Variants in DOCK4 observed in about 807,000 individuals in gnomAD.
The protein encoded by DOCK4 is dedicator of cytokinesis protein 4.
A neutral mutation model predicts 268.1 loss-of-function variants in DOCK4; 97 were observed. That is an observed-to-expected ratio of 0.36 (90% CI 0.31 to 0.43). The LOEUF (loss-of-function observed/expected upper bound fraction) is 0.43. Ranked by LOEUF, DOCK4 falls within the 20% of genes least tolerant of loss-of-function variation. The pLI, the probability that DOCK4 is intolerant of heterozygous loss-of-function variation, is 1.00. For synonymous variants in DOCK4, 954 were observed against 887.2 expected, an observed-to-expected ratio of 1.08 and a Z score of -1.34; for missense variants, 2,145 against 2,455.7, an observed-to-expected ratio of 0.87 and a Z score of 2.67.
chr7:112,166,936 G>A (rs1266731765), intron 1 of DOCK4, among the ~76,000 whole-genome samples: 1 of 152,026 alleles, frequency 6.6e-6, no homozygotes, highest in African/African-American at 2.4e-5. Flanking sequence ...GAGTAGCTGA[G>A]AATATGTGCC....
chr7:111,757,131 A>C (rs138932282), intron 41 of DOCK4, among the ~76,000 whole-genome samples: 1,692 of 151,784 alleles, frequency 0.011, 33 homozygotes, highest in African/African-American at 0.037. Context: ...GCTGAGAGGG[A>C]GGAGGGGTGA....
rs148174943 is a variant in DOCK4, at chr7:111,850,548, A to T, written c.2474-3422T>A. On this transcript the variant is annotated intron_variant, in intron 23 of 52. Coordinates refer to ENST00000428084, the MANE Select transcript of DOCK4 (RefSeq NM_001363540.2). ...ACCCCCTGTGACCTGCACATATATA[A>T]ACAGATGGCCTGAAGCAACTGAAGA... 9.7e-3 allele frequency among the ~76,000 whole-genome samples: 1,484 copies of T among 152,254 alleles called. 22 individuals are homozygous for T. Among genetic ancestry groups the T allele is most frequent in the African/African-American group, 0.031 (1,301 of 41,530 alleles).
At chr7:111,765,461 T>C (rs1055939846) in intron 38 of DOCK4, among the ~76,000 whole-genome samples, 3 of 152,222 alleles carry the variant, frequency 2.0e-5, no homozygotes, top group African/African-American at 7.2e-5. Flanking sequence ...TACTTAATTC[T>C]GCTAGGCCCA....
intron 12 of DOCK4, among the ~76,000 whole-genome samples, chr7:111,933,319 G>A (rs1794423386): frequency 1.7e-5 from 2 of 115,198 alleles, no homozygotes; most frequent in South Asian, 2.6e-4. Flanking sequence ...TTTTTGAGAT[G>A]GAGTCTCTCT....
chr7:111,798,098 C>T (rs1055728396), intron 30 of DOCK4, among the ~76,000 whole-genome samples: 1 of 152,178 alleles, frequency 6.6e-6, no homozygotes, highest in African/African-American at 2.4e-5. Context: ...GGTGCATCTG[C>T]TAGTTGCTAT....
intron 10 of DOCK4, among the ~76,000 whole-genome samples, chr7:111,942,395 C>T (rs938782945): frequency 6.6e-6 from 1 of 152,148 alleles, no homozygotes; most frequent in African/African-American, 2.4e-5. Flanking sequence ...GTATGTGTCC[C>T]TTGTTAAATA....
chr7:112,152,364 T>A (rs950745954), intron 1 of DOCK4, among the ~76,000 whole-genome samples: 3 of 152,156 alleles, frequency 2.0e-5, no homozygotes, highest in African/African-American at 7.2e-5. Flanking sequence ...TTCCATCAAA[T>A]GAAATAGTCA....
At chr7:111,952,267 A>C (rs2134888091) in intron 8 of DOCK4, among the ~76,000 whole-genome samples, 1 of 152,294 alleles carries the variant, frequency 6.6e-6, no homozygotes, top group East Asian at 1.9e-4. Context: ...TAATGATGAC[A>C]AGTGTGTTTC....
At chr7:111,983,835 T>TACACACACAC (rs1203628305) in intron 7 of DOCK4, among the ~76,000 whole-genome samples, 15 of 113,330 alleles carry the variant, frequency 1.3e-4, no homozygotes, top group African/African-American at 5.2e-4. Flanking sequence ...ATTATGTATG[T>TACACACACAC]ACACACACAC....
chr7:112,099,000 T>C (rs534146996), intron 1 of DOCK4, among the ~76,000 whole-genome samples: 5 of 152,106 alleles, frequency 3.3e-5, no homozygotes, highest in African/African-American at 7.2e-5. Flanking sequence ...TCAATAGTAG[T>C]TCAAGAAGGC....
chr7:111,904,524 G>T (rs577753113), intron 13 of DOCK4, among the ~76,000 whole-genome samples: 1 of 152,090 alleles, frequency 6.6e-6, no homozygotes, highest in Non-Finnish European at 1.5e-5. Context: ...TACAGTGTTC[G>T]ACAAAGGAGT....
At chr7:111,855,839 C>T (rs1028314178) in intron 23 of DOCK4, among the ~76,000 whole-genome samples, 2 of 152,272 alleles carry the variant, frequency 1.3e-5, no homozygotes, top group African/African-American at 4.8e-5. Context: ...GTATTTCCAT[C>T]CTAATATATT....
At chr7:111,734,627 G>A (rs1299606809) in intron 51 of DOCK4, among the ~76,000 whole-genome samples, 1 of 152,220 alleles carries the variant, frequency 6.6e-6, no homozygotes, top group African/African-American at 2.4e-5. Flanking sequence ...TAAGCTTATG[G>A]AGCGTAACTG....
chr7:111,846,320 C>T (rs1364256530), intron 24 of DOCK4, among the ~76,000 whole-genome samples: 4 of 152,220 alleles, frequency 2.6e-5, no homozygotes, highest in Admixed American at 2.0e-4. Context: ...AGAAGTGGAA[C>T]AGGATATTCT....
chr7:111,958,442 T>C (rs989233461), intron 8 of DOCK4, among the ~76,000 whole-genome samples: 1 of 152,124 alleles, frequency 6.6e-6, no homozygotes, highest in African/African-American at 2.4e-5. Context: ...GAATACCTTA[T>C]GGGTAGCAGA....
At position 111,737,005 on chromosome 7, in the gene DOCK4, G is replaced by T. The variant is rs1026006181; in HGVS notation, c.5233-16C>A. ...ACAGCATCCTCTGCAAAGTTACAAG[G>T]GTTGATTTTTATGATGTGATATACG... On this transcript the variant is annotated splice_polypyrimidine_tract_variant and intron_variant, in intron 49 of 52. Coordinates refer to ENST00000428084, the MANE Select transcript of DOCK4 (RefSeq NM_001363540.2). The T allele has an allele frequency of 1.9e-6, 3 of 1,596,482 alleles. No homozygotes were observed. In the African/African-American group the frequency reaches 4.0e-5, roughly 21 times the overall value.
chr7:111,786,413 T>G (rs2133782058), intron 32 of DOCK4, among the ~76,000 whole-genome samples: 1 of 152,328 alleles, frequency 6.6e-6, no homozygotes, highest in South Asian at 2.1e-4. Context: ...TACTCTATTC[T>G]GGATATTGCA....
chr7:112,194,129 C>A (rs1398380751), intron 1 of DOCK4, among the ~76,000 whole-genome samples: 1 of 152,030 alleles, frequency 6.6e-6, no homozygotes, highest in Non-Finnish European at 1.5e-5. Context: ...GTTTATAGCA[C>A]CCATAAATAA....
chr7:112,177,064 T>C (rs1298182546), intron 1 of DOCK4, among the ~76,000 whole-genome samples: 2 of 152,200 alleles, frequency 1.3e-5, no homozygotes, highest in African/African-American at 2.4e-5. Context: ...CTTCCAAAAA[T>C]CAAGCTCCAG....
Sources: gnomAD v4.1 joint callset for allele counts (sites outside exome capture counted in the v4.1 genomes callset) on GRCh38, gnomAD v4.1.1 for gene constraint, MANE v1.5 for transcripts, NCBI Gene and HGNC (gene_info 2026-07-23, HGNC 2026-07-21) for gene names.